Variants in DTNBP1 observed in about 807,000 individuals in gnomAD.
The protein encoded by DTNBP1 is dysbindin.
Under a neutral mutation model 42.8 loss-of-function variants are expected in DTNBP1, and 35 were observed. The observed-to-expected ratio is 0.82, with a 90% CI of 0.63 to 1.09. The LOEUF (loss-of-function observed/expected upper bound fraction) is 1.09, where lower values mean the gene tolerates loss of function less well. DTNBP1 is among the 50% of genes least tolerant of loss of function. The pLI is 0.00. For missense variants in DTNBP1, 457 were observed against 424.2 expected (o/e 1.08, Z -0.68); for synonymous variants, 171 against 162.2 (o/e 1.05, Z -0.41).
At chr6:15,539,898 C>G (rs1469392129) in intron 7 of DTNBP1, among the ~76,000 whole-genome samples, 2 of 152,194 alleles carry the variant, frequency 1.3e-5, no homozygotes, top group African/African-American at 2.4e-5. Context: ...GTTGCAACTT[C>G]TCCTCCATAC....
At chr6:15,625,248 GA>G (rs1759274582) in intron 5 of DTNBP1, among the ~76,000 whole-genome samples, 2 of 152,192 alleles carry the variant, frequency 1.3e-5, no homozygotes, top group South Asian at 4.1e-4. Flanking sequence ...CAATATATAT[GA>G]AAAGCAACCA....
At chr6:15,537,376 C>T (rs1476321801) in intron 7 of DTNBP1, among the ~76,000 whole-genome samples, 1 of 151,822 alleles carries the variant, frequency 6.6e-6, no homozygotes, top group Non-Finnish European at 1.5e-5. Flanking sequence ...TTGCAGTGAG[C>T]CAAGATCACG....
intron 9 of DTNBP1, chr6:15,523,661 A>C: frequency 3.9e-6 from 5 of 1,287,348 alleles, no homozygotes; most frequent in Non-Finnish European, 5.1e-6. Flanking sequence ...ATGGAACTAA[A>C]TAGGCTCTTC....
intron 7 of DTNBP1, among the ~76,000 whole-genome samples, chr6:15,553,537 GAAC>G (rs1380931703): frequency 7.2e-6 from 1 of 139,512 alleles, no homozygotes; most frequent in African/African-American, 2.7e-5. Context: ...ACATGCAGAG[GAAC>G]AACTTCATTC....
intron 7 of DTNBP1, among the ~76,000 whole-genome samples, chr6:15,554,889 T>C (rs926730991): frequency 6.6e-6 from 1 of 151,742 alleles, no homozygotes; most frequent in African/African-American, 2.4e-5. Flanking sequence ...TGGTCTCTTA[T>C]GGGAAAAAAT....
rs776357249 is a variant in DTNBP1, at chr6:15,658,253, T to A, written c.56+4561A>T. Among the ~76,000 whole-genome samples, 71 of 152,246 alleles carry A rather than the reference T, an allele frequency of 4.7e-4. 1 individual carries two copies. The highest frequency in any genetic ancestry group is 4.4e-3 in the Admixed American group (67 of 15,286). On this transcript the variant is annotated intron_variant, in intron 1 of 9. Transcript: ENST00000344537. ...TGGCACTGGCACTTAATAGGAACTC[T>A]GTAGATATTTATGAAATCAAGTTGA...
At chr6:15,572,890 AC>A (rs1420643214) in intron 7 of DTNBP1, among the ~76,000 whole-genome samples, 1 of 151,748 alleles carries the variant, frequency 6.6e-6, no homozygotes, top group Admixed American at 6.6e-5. Flanking sequence ...CACCACCACA[AC>A]CAGCTAATTT....
intron 5 of DTNBP1, among the ~76,000 whole-genome samples, chr6:15,617,609 G>C: frequency 6.6e-6 from 1 of 151,940 alleles, no homozygotes. Flanking sequence ...AAGGCACCGA[G>C]AACATTCATT....
chr6:15,624,566 C>T (rs1345898796), intron 5 of DTNBP1, among the ~76,000 whole-genome samples: 1 of 152,034 alleles, frequency 6.6e-6, no homozygotes, highest in South Asian at 2.1e-4. Flanking sequence ...AGCAGGGCCT[C>T]TAGAGAGCAA....
intron 5 of DTNBP1, among the ~76,000 whole-genome samples, chr6:15,624,534 A>G (rs147791224): frequency 6.6e-6 from 1 of 152,324 alleles, no homozygotes; most frequent in Non-Finnish European, 1.5e-5. Flanking sequence ...CACATAACAT[A>G]AATCCTTTGC....
intron 7 of DTNBP1, among the ~76,000 whole-genome samples, chr6:15,569,670 G>A (rs189651079): frequency 4.8e-4 from 73 of 152,158 alleles, no homozygotes; most frequent in Non-Finnish European, 5.4e-4. Flanking sequence ...CTCCAGTCTC[G>A]CCACATTCCA....
At chr6:15,607,199 C>T (rs1758116758) in intron 6 of DTNBP1, among the ~76,000 whole-genome samples, 1 of 151,940 alleles carries the variant, frequency 6.6e-6, no homozygotes, top group African/African-American at 2.4e-5. Flanking sequence ...TTAGTGGAGA[C>T]AGGGTTTCAC....
At chr6:15,578,119 G>C (rs1199108645) in intron 7 of DTNBP1, among the ~76,000 whole-genome samples, 3 of 152,356 alleles carry the variant, frequency 2.0e-5, no homozygotes, top group South Asian at 4.1e-4. Context: ...GAGAAGGAAG[G>C]AGTCCAGCGC....
rs142509629 is a variant in DTNBP1, at chr6:15,581,248, C to T, written c.511+11811G>A. Among the ~76,000 whole-genome samples, 607 of 152,128 alleles carry T rather than the reference C, an allele frequency of 4.0e-3. 1 individual carries two copies. The highest frequency in any genetic ancestry group is 6.1e-3 in the Non-Finnish European group (416 of 67,986). ...AGGCTGGAGGGCAGTGGCTCCATCT[C>T]GGCTCTCTGCAACCTCTGCCACCCA... On this transcript the variant is annotated intron_variant, in intron 7 of 9. Coordinates refer to ENST00000344537, the MANE Select transcript of DTNBP1 (RefSeq NM_032122.5).
At chr6:15,652,329 G>A (rs193098433) in intron 1 of DTNBP1, among the ~76,000 whole-genome samples, 189 bp from the exon 2 acceptor site, 87 of 151,950 alleles carry the variant, frequency 5.7e-4, no homozygotes, top group African/African-American at 1.8e-3. Context: ...ATAGTCACCC[G>A]CCACCACGCC....
chr6:15,614,008 G>C (rs888821324), intron 6 of DTNBP1, among the ~76,000 whole-genome samples: 1 of 151,998 alleles, frequency 6.6e-6, no homozygotes, highest in African/African-American at 2.4e-5. Flanking sequence ...CTTTAGAATG[G>C]ACTCCCCAAG....
At chr6:15,617,675 C>T (rs1237866614) in intron 5 of DTNBP1, among the ~76,000 whole-genome samples, 2 of 151,834 alleles carry the variant, frequency 1.3e-5, no homozygotes, top group Non-Finnish European at 2.9e-5. Context: ...TATCCATATG[C>T]AGAAGAATGA....
chr6:15,609,370 AGTGCAGTG>A (rs1758264700), intron 6 of DTNBP1, among the ~76,000 whole-genome samples: 1 of 150,984 alleles, frequency 6.6e-6, no homozygotes, highest in Admixed American at 6.6e-5. Context: ...CCCAGGCTGG[AGTGCAGTG>A]GTGCAATCTC....
intron 6 of DTNBP1, among the ~76,000 whole-genome samples, chr6:15,598,925 T>C (rs1561983120): frequency 6.6e-6 from 1 of 152,188 alleles, no homozygotes; most frequent in Non-Finnish European, 1.5e-5. Flanking sequence ...TGTATATATC[T>C]ATTTTGGGCA....
Sources: gnomAD v4.1 joint callset for allele counts (sites outside exome capture counted in the v4.1 genomes callset) on GRCh38, gnomAD v4.1.1 for gene constraint, MANE v1.5 for transcripts, NCBI Gene and HGNC (gene_info 2026-07-23, HGNC 2026-07-21) for gene names.